Variants in SENP1 observed in about 807,000 individuals in gnomAD.
SENP1 encodes sentrin-specific protease 1.
A neutral mutation model predicts 93.0 loss-of-function variants in SENP1; 21 were observed. The observed-to-expected ratio is 0.23, with a 90% CI of 0.16 to 0.33. The LOEUF is 0.33. Among genes scored for constraint, SENP1 ranks in the 10% least tolerant of loss-of-function variants. SENP1 has a pLI of 1.00. For synonymous variants in SENP1, 256 were observed against 259.6 expected (o/e 0.99, Z 0.13); for missense variants, 591 against 758.7 (o/e 0.78, Z 2.60).
intron 9 of SENP1, 91 bp downstream of exon 9, chr12:48,071,576 A>T (rs1352169715): frequency 5.7e-6 from 5 of 878,900 alleles, no homozygotes; most frequent in Non-Finnish European, 7.2e-6. Context: ...AGATCGCGCC[A>T]CTACACTCCA....
At chr12:48,104,924 G>A (rs1946366284) in intron 1 of SENP1, among the ~76,000 whole-genome samples, 1 of 152,162 alleles carries the variant, frequency 6.6e-6, no homozygotes, top group African/African-American at 2.4e-5. Context: ...AAAAATAAAG[G>A]GTGGTAGAGT....
intron 16 of SENP1, among the ~76,000 whole-genome samples, chr12:48,046,654 C>G (rs1375452161): frequency 6.6e-6 from 1 of 152,080 alleles, no homozygotes; most frequent in Non-Finnish European, 1.5e-5. Flanking sequence ...ATTAATCAAA[C>G]AGGAGAATAT....
chr12:48,071,885 T>C (rs1475339674), intron 8 of SENP1, among the ~76,000 whole-genome samples, 164 bp from the exon 9 acceptor site: 7 of 152,190 alleles, frequency 4.6e-5, no homozygotes, highest in Non-Finnish European at 7.3e-5. Context: ...CCATTGTCAC[T>C]GAGAACAGAA....
chr12:48,090,967 C>A (rs1027973856), intron 4 of SENP1, among the ~76,000 whole-genome samples: 1 of 152,006 alleles, frequency 6.6e-6, no homozygotes, highest in Non-Finnish European at 1.5e-5. Flanking sequence ...ATCAGAGTTA[C>A]GAACACCACA....
At chr12:48,104,293 A>G in intron 1 of SENP1, among the ~76,000 whole-genome samples, 2 of 129,732 alleles carry the variant, frequency 1.5e-5, no homozygotes, top group African/African-American at 2.9e-5. Flanking sequence ...GGAGAGAGAG[A>G]GAGAGAGAGA....
chr12:48,095,927 A>G (rs992454714), intron 4 of SENP1, among the ~76,000 whole-genome samples: 2 of 152,242 alleles, frequency 1.3e-5, no homozygotes, highest in African/African-American at 4.8e-5. Flanking sequence ...CCCTGAAAGA[A>G]GGACAAGCTC....
chr12:48,074,024 C>T (rs1943896340), intron 8 of SENP1, among the ~76,000 whole-genome samples: 1 of 152,104 alleles, frequency 6.6e-6, no homozygotes, highest in Non-Finnish European at 1.5e-5. Flanking sequence ...ATCCCTTATC[C>T]AAAATGGTTG....
At chr12:48,046,829 CTTAA>C (rs1224641750) in intron 16 of SENP1, 145 bp downstream of exon 16, 4 of 607,618 alleles carry the variant, frequency 6.6e-6, no homozygotes, top group Non-Finnish European at 8.8e-6. Flanking sequence ...CTACGGATAG[CTTAA>C]TTTATCCTCC....
chr12:48,082,706 T>G (rs1944570742), intron 6 of SENP1, among the ~76,000 whole-genome samples: 1 of 152,230 alleles, frequency 6.6e-6, no homozygotes, highest in African/African-American at 2.4e-5. Context: ...TTCACAAAAT[T>G]GGCTTTTTCT....
chr12:48,076,643 C>CTTTT (rs1000682233), intron 6 of SENP1, among the ~76,000 whole-genome samples: 11 of 117,534 alleles, frequency 9.4e-5, no homozygotes, highest in Admixed American at 2.5e-4. Context: ...GTAGTTTTTG[C>CTTTT]TTTTTTTTTT....
At chr12:48,086,647 T>C (rs575710073) in intron 5 of SENP1, among the ~76,000 whole-genome samples, 1 of 152,184 alleles carries the variant, frequency 6.6e-6, no homozygotes, top group South Asian at 2.1e-4. Flanking sequence ...TTATAAAAAA[T>C]ACAGGTGATT....
intron 13 of SENP1, among the ~76,000 whole-genome samples, chr12:48,058,438 T>C (rs1478575775): frequency 1.3e-5 from 2 of 152,332 alleles, no homozygotes; most frequent in East Asian, 3.9e-4. Flanking sequence ...CCAACTCTTT[T>C]GTATTTTTAA....
chr12:48,105,162 T>A (rs1946404292), intron 1 of SENP1: 2 of 287,334 alleles, frequency 7.0e-6, no homozygotes, highest in African/African-American at 4.3e-5. Context: ...AGGCTTTATA[T>A]GAATATTACA....
At chr12:48,045,405 C>G (rs1381169945) in intron 17 of SENP1, 21 bp from the exon 18 acceptor site, 1 of 1,609,990 alleles carries the variant, frequency 6.2e-7, no homozygotes, top group Non-Finnish European at 8.5e-7. Context: ...ACAGAGACAC[C>G]CTTAATTTTC....
chr12:48,047,072 T>C lies in SENP1; in HGVS notation c.1692-10A>G, dbSNP rs2136741445. 1 of 1,580,250 alleles carries C rather than the reference T, an allele frequency of 6.3e-7. No homozygotes were observed. The highest frequency in any genetic ancestry group is 1.1e-5 in the South Asian group (1 of 90,192). On this transcript the variant is annotated splice_polypyrimidine_tract_variant and intron_variant, in intron 15 of 17. Coordinates refer to ENST00000549518, the MANE Select transcript of SENP1 (RefSeq NM_001267594.2). ...TTGCTTTAGGTATTGCCTAAAGGTA[T>C]CAGGAGAGAATGAGATAAGCAGTGG... is the stretch of plus-strand genomic sequence containing the variant.
In SENP1 at chr12:48,083,760, C is replaced by A. The variant is rs1240640976; in HGVS notation, c.383G>T (p.Gly128Val). 1.3e-6 allele frequency: 2 copies of A among 1,591,330 alleles called. No homozygotes were observed. Among genetic ancestry groups the A allele is most frequent in the South Asian group, 1.2e-5 (1 of 85,936 alleles). ...LYLETRKTSS[G>V]LSNSFAGKSN... ...CTTTCCCGCAAAACTGTTTGATAATCCACTAAAAAAAGAGTTTGTAAGAAA... is the reference window on the plus strand; with the variant it reads ...CTTTCCCGCAAAACTGTTTGATAATACACTAAAAAAAGAGTTTGTAAGAAA... The change falls in exon 6 of 18, where the codon GGA (glycine) becomes GTA (valine). Residue 128 changes from glycine to valine, a missense_variant and splice_region_variant. Coordinates refer to ENST00000549518, the MANE Select transcript of SENP1 (RefSeq NM_001267594.2).
In SENP1 at chr12:48,044,603, A is replaced by G. The variant is rs1236719355; in HGVS notation, c.*719T>C. 2 of 152,026 alleles carry G rather than the reference A, an allele frequency of 1.3e-5. No individual in the cohort carries two copies. The highest frequency in any genetic ancestry group is 2.4e-5 in the African/African-American group (1 of 41,380). The allele number at this position is 152,026 out of a possible 1,614,324, so 9.4% of individuals were successfully genotyped here. On this transcript the variant is annotated 3_prime_UTR_variant, in exon 18 of 18. Coordinates refer to ENST00000549518, the MANE Select transcript of SENP1 (RefSeq NM_001267594.2). ...GGTCTTCCCCGTATCATGTGTTGGT[A>G]GCACATGCAAACCCCTGCTTTCACG...
chr12:48,083,815 C>T, intron 5 of SENP1, 53 bp from the exon 6 acceptor site: 1 of 1,279,266 alleles, frequency 7.8e-7, no homozygotes, highest in South Asian at 1.4e-5. Flanking sequence ...TAAAATAAAT[C>T]CAACCTAGAG....
intron 13 of SENP1, among the ~76,000 whole-genome samples, chr12:48,055,862 A>G (rs1439708408): frequency 1.4e-5 from 2 of 142,396 alleles, no homozygotes; most frequent in Non-Finnish European, 3.0e-5. Context: ...ATAAGGTATA[A>G]TATATTAATA....
Sources: allele counts gnomAD v4.1 joint callset (sites outside exome capture counted in the v4.1 genomes callset), GRCh38; gene constraint gnomAD v4.1.1; transcripts MANE v1.5; gene names NCBI Gene and HGNC (gene_info 2026-07-23, HGNC 2026-07-21).